EXOC4: variants seen among roughly 807,000 people sequenced by gnomAD.
The protein encoded by EXOC4 is exocyst complex component 4.
Under a neutral mutation model 107.2 loss-of-function variants are expected in EXOC4, and 71 were observed. That is an observed-to-expected ratio of 0.66 (90% CI 0.55 to 0.81). The LOEUF (loss-of-function observed/expected upper bound fraction) is 0.81, where lower values mean the gene tolerates loss of function less well. EXOC4 is among the 30% of genes least tolerant of loss of function. EXOC4 has a pLI of 0.00. For missense variants in EXOC4, 1,108 were observed against 1,189.6 expected (o/e 0.93, Z 1.01); for synonymous variants, 456 against 441.2 (o/e 1.03, Z -0.42).
At chr7:133,454,007 A>G (rs6467491) in intron 7 of EXOC4, among the ~76,000 whole-genome samples, 42,246 of 152,062 alleles carry the variant, frequency 0.28, 6,070 homozygotes, top group Middle Eastern at 0.39. Context: ...TCAAACTAAT[A>G]TAATTTTAAC....
intron 9 of EXOC4, among the ~76,000 whole-genome samples, chr7:133,552,462 T>G (rs1294857334): frequency 6.6e-6 from 1 of 152,214 alleles, no homozygotes; most frequent in Non-Finnish European, 1.5e-5. Context: ...GGTGTTTTAT[T>G]AATATCCAAC....
chr7:133,743,101 G>A lies in EXOC4; in HGVS notation c.1515-74224G>A, dbSNP rs7810112. ...TCATAATTATATTTTACTTCCCAGC[G>A]GCATCTGTTCTTATCATAGTAGCAC... is the stretch of plus-strand genomic sequence containing the variant. On this transcript the variant is annotated intron_variant, in intron 10 of 17. Transcript: ENST00000253861. Among the ~76,000 whole-genome samples the A allele has an allele frequency of 2.4e-3, 366 of 152,192 alleles. 5 individuals are homozygous for A. Among genetic ancestry groups the A allele is most frequent in the African/African-American group, 8.2e-3 (339 of 41,530 alleles).
At chr7:133,678,251 G>A (rs1794108620) in intron 10 of EXOC4, among the ~76,000 whole-genome samples, 1 of 152,134 alleles carries the variant, frequency 6.6e-6, no homozygotes, top group African/African-American at 2.4e-5. Flanking sequence ...TCTAAAACAT[G>A]AGGAAATCTT....
intron 10 of EXOC4, among the ~76,000 whole-genome samples, chr7:133,806,038 G>T (rs542589368): frequency 6.6e-6 from 1 of 152,338 alleles, no homozygotes; most frequent in South Asian, 2.1e-4. Context: ...TTCATAGCAT[G>T]TGCTAAGTGG....
At chr7:134,098,436 GCA>G in the EXOC4 span, among the ~76,000 whole-genome samples, 1 of 152,102 alleles carries the variant, frequency 6.6e-6, no homozygotes. Flanking sequence ...CCCAATTCTT[GCA>G]CACACAGTGC....
chr7:133,613,184 A>T (rs1025586621), intron 9 of EXOC4, among the ~76,000 whole-genome samples: 3 of 152,196 alleles, frequency 2.0e-5, no homozygotes, highest in Non-Finnish European at 4.4e-5. Flanking sequence ...CTATTATAAA[A>T]TTTAAAATAT....
intron 1 of EXOC4, among the ~76,000 whole-genome samples, chr7:133,271,262 T>A (rs2150519910): frequency 6.6e-6 from 1 of 152,282 alleles, no homozygotes; most frequent in African/African-American, 2.4e-5. Flanking sequence ...TTTTATTGAA[T>A]ATTTATCTCA....
At chr7:133,653,075 GC>G (rs1369677344) in intron 10 of EXOC4, among the ~76,000 whole-genome samples, 1 of 152,154 alleles carries the variant, frequency 6.6e-6, no homozygotes, top group East Asian at 1.9e-4. Context: ...TGAGATTGGG[GC>G]CTTGAAGAAT....
chr7:134,007,859 T>A (rs1050696987), intron 17 of EXOC4, 24 bp downstream of exon 17: 33 of 1,599,222 alleles, frequency 2.1e-5, no homozygotes, highest in Non-Finnish European at 2.6e-5. Context: ...CTGGGTTTAG[T>A]TTCTTATGCC....
chr7:133,526,829 G>A (rs1212153480), intron 9 of EXOC4, among the ~76,000 whole-genome samples: 1 of 152,004 alleles, frequency 6.6e-6, no homozygotes, highest in African/African-American at 2.4e-5. Flanking sequence ...AAAATTAGCT[G>A]GGCATGGTGG....
intron 10 of EXOC4, chr7:133,768,299 G>A (rs1211822104): frequency 4.6e-5 from 7 of 151,898 alleles, no homozygotes; most frequent in Non-Finnish European, 8.8e-5. Flanking sequence ...GAGGAATATA[G>A]ATTTTTTTAA....
intron 6 of EXOC4, among the ~76,000 whole-genome samples, chr7:133,361,557 T>G (rs989380293): frequency 3.9e-5 from 6 of 152,208 alleles, no homozygotes; most frequent in African/African-American, 1.4e-4. Flanking sequence ...GATTAAATTT[T>G]AACTGTTGCC....
At chr7:134,081,120 A>G in the EXOC4 span, among the ~76,000 whole-genome samples, 1 of 152,124 alleles carries the variant, frequency 6.6e-6, no homozygotes. Context: ...AGGCAGGTGA[A>G]TCACCTGAGC....
intron 17 of EXOC4, among the ~76,000 whole-genome samples, chr7:134,033,291 A>T (rs192979277): frequency 6.6e-6 from 1 of 152,338 alleles, no homozygotes; most frequent in Admixed American, 6.5e-5. Flanking sequence ...CCCCTCCAAA[A>T]TGTTGGTATC....
chr7:133,806,137 A>G (rs1797071531), intron 10 of EXOC4, among the ~76,000 whole-genome samples: 1 of 152,240 alleles, frequency 6.6e-6, no homozygotes, highest in East Asian at 1.9e-4. Flanking sequence ...ATAAGGAGTA[A>G]TAAATAGTGA....
intron 10 of EXOC4, among the ~76,000 whole-genome samples, chr7:133,708,356 C>A (rs1337122139): frequency 6.6e-6 from 1 of 152,098 alleles, no homozygotes; most frequent in Non-Finnish European, 1.5e-5. Context: ...TGATATGAAA[C>A]AATTCAGTGG....
rs374402368 is a variant in EXOC4, at chr7:134,033,324, C to T, written c.2687+25489C>T. Reference sequence around the variant, plus strand: ...ATCCAGAAGTTGTTCTTGAAAGAGCCATCCTAGGAAATATTTAGGGAAAGT... The same window carrying T: ...ATCCAGAAGTTGTTCTTGAAAGAGCTATCCTAGGAAATATTTAGGGAAAGT... On this transcript the variant is annotated intron_variant, in intron 17 of 17. Transcript: ENST00000253861. 2.0e-4 allele frequency among the ~76,000 whole-genome samples: 30 copies of T among 152,308 alleles called. No individual in the cohort carries two copies. In the South Asian group the frequency reaches 6.0e-3, roughly 31 times the overall value.
At chr7:133,354,946 G>A (rs1413921816) in intron 5 of EXOC4, among the ~76,000 whole-genome samples, 1 of 152,066 alleles carries the variant, frequency 6.6e-6, no homozygotes, top group African/African-American at 2.4e-5. Context: ...GAGATTCCTG[G>A]TGCCTCCTAC....
At chr7:133,454,981 G>C (rs1334427309) in intron 7 of EXOC4, among the ~76,000 whole-genome samples, 1 of 152,100 alleles carries the variant, frequency 6.6e-6, no homozygotes, top group Non-Finnish European at 1.5e-5. Context: ...AGCTACTTGG[G>C]AGGCTGAGGC....
Sources: gnomAD v4.1 joint callset for allele counts (sites outside exome capture counted in the v4.1 genomes callset) on GRCh38, gnomAD v4.1.1 for gene constraint, MANE v1.5 for transcripts, NCBI Gene and HGNC (gene_info 2026-07-23, HGNC 2026-07-21) for gene names.